CARF: variants seen among roughly 807,000 people sequenced by gnomAD.
The protein encoded by CARF is calcium responsive transcription factor.
In CARF, 57 loss-of-function variants were observed where a neutral mutation model predicts 82.0. The observed-to-expected ratio is 0.70, with a 90% confidence interval of 0.56 to 0.87. CARF has a LOEUF of 0.87. Among genes scored for constraint, CARF ranks in the 40% least tolerant of loss-of-function variants. The pLI is 0.00. For synonymous variants in CARF, 268 were observed against 290.1 expected (o/e 0.92, Z 0.77); for missense variants, 771 against 855.8 (o/e 0.90, Z 1.24).
intron 10 of CARF, among the ~76,000 whole-genome samples, chr2:202,967,986 T>G (rs1250620017): frequency 1.3e-5 from 2 of 152,176 alleles, no homozygotes; most frequent in African/African-American, 4.8e-5. Flanking sequence ...ATTTTAAGAC[T>G]TAAAATATAT....
intron 8 of CARF, among the ~76,000 whole-genome samples, chr2:202,959,815 C>CAAAAAAAAAAAA (rs11334679): frequency 7.1e-6 from 1 of 140,250 alleles, no homozygotes; most frequent in African/African-American, 2.6e-5. Flanking sequence ...ATCTCAAAAA[C>CAAAAAAAAAAAA]AAAAAAAAAA....
chr2:202,980,268 T>C (rs915170941), intron 14 of CARF, among the ~76,000 whole-genome samples: 4 of 152,170 alleles, frequency 2.6e-5, no homozygotes, highest in Non-Finnish European at 4.4e-5. Flanking sequence ...GATAATTAGT[T>C]CTTCACTGAC....
intron 2 of CARF, among the ~76,000 whole-genome samples, chr2:202,921,710 G>A (rs1690827685): frequency 6.6e-6 from 1 of 152,200 alleles, no homozygotes; most frequent in East Asian, 1.9e-4. Flanking sequence ...GGAAGAATAT[G>A]CAAAAATGTC....
chr2:202,964,397 A>G (rs1259868562), intron 9 of CARF, among the ~76,000 whole-genome samples: 3 of 152,066 alleles, frequency 2.0e-5, no homozygotes. Flanking sequence ...CTCCTGCCTC[A>G]GCTTCATGAG....
Position 202,987,430 on chromosome 2 carries a change from G to C in CARF, c.*3806G>C, listed in dbSNP as rs1308716132. Among the ~76,000 whole-genome samples, 2 of 151,536 alleles carry C rather than the reference G, an allele frequency of 1.3e-5. No individual in the cohort carries two copies. Among genetic ancestry groups the C allele is most frequent in the African/African-American group, 2.4e-5 (1 of 41,210 alleles). ...TTGAAAATCTTAATCTCTCCAGAAG[G>C]GATACTGCATTGGTTCTTCTCCATC... On this transcript the variant is annotated 3_prime_UTR_variant, in exon 17 of 17. Transcript: ENST00000438828.
chr2:202,929,469 C>G (rs543700738), intron 3 of CARF, among the ~76,000 whole-genome samples: 1 of 152,104 alleles, frequency 6.6e-6, no homozygotes, highest in Non-Finnish European at 1.5e-5. Flanking sequence ...ATTCTTGGTA[C>G]CTTTGTTGAA....
intron 12 of CARF, among the ~76,000 whole-genome samples, chr2:202,973,033 G>A (rs936024987): frequency 2.2e-4 from 34 of 152,162 alleles, no homozygotes; most frequent in African/African-American, 8.0e-4. Context: ...CAAGAAGATG[G>A]GATTGCAGAA....
At chr2:202,974,522 T>A in intron 13 of CARF, 26 bp downstream of exon 13, 1 of 1,559,054 alleles carries the variant, frequency 6.4e-7, no homozygotes, top group Non-Finnish European at 8.7e-7. Flanking sequence ...TAATTCCTTA[T>A]TACAGAGTCT....
chr2:202,960,695 T>TGCCTTCCCACCTTCCC (rs2059272966), intron 8 of CARF, among the ~76,000 whole-genome samples: 1 of 151,362 alleles, frequency 6.6e-6, no homozygotes, highest in Non-Finnish European at 1.5e-5. Flanking sequence ...CCTGCCTTCC[T>TGCCTTCCCACCTTCCC]GCCTTCCCAC....
At chr2:202,979,919 G>T (rs1015061094) in intron 14 of CARF, among the ~76,000 whole-genome samples, 5 of 152,148 alleles carry the variant, frequency 3.3e-5, no homozygotes, top group Admixed American at 2.0e-4. Context: ...AAATCAGTCA[G>T]TTGTATTATG....
At chr2:202,962,009 A>G (rs2059342901) in intron 9 of CARF, 1 of 152,706 alleles carries the variant, frequency 6.5e-6, no homozygotes, top group Admixed American at 6.5e-5. Flanking sequence ...AGAATCTAAA[A>G]CTAAGCGATT....
Position 202,955,695 on chromosome 2 carries a change from G to A in CARF, c.579G>A (p.Leu193=). ...CCAGAATGCTGGAAGAACCCCTTCT[G>A]GGGCCTCTTCAGCCACTTTCTTCTA... The part of the protein sequence containing the change: ...SVTGMLEEPL[L]GPLQPLSSNT... The change falls in exon 8 of 17, where the codon CTG becomes CTA. Residue 193 remains leucine (L), a synonymous_variant. Transcript: ENST00000438828. 1 of 1,608,098 alleles carries A rather than the reference G, an allele frequency of 6.2e-7. No homozygotes were observed. Among genetic ancestry groups the A allele is most frequent in the South Asian group, 1.1e-5 (1 of 90,146 alleles).
chr2:202,963,611 T>C (rs897153329), intron 9 of CARF, among the ~76,000 whole-genome samples: 26 of 152,166 alleles, frequency 1.7e-4, no homozygotes, highest in Non-Finnish European at 1.5e-5. Flanking sequence ...TATTACTACA[T>C]TGTAATATGT....
At chr2:202,947,478 G>T (rs542854850) in intron 5 of CARF, among the ~76,000 whole-genome samples, 2 of 152,182 alleles carry the variant, frequency 1.3e-5, no homozygotes, top group Non-Finnish European at 2.9e-5. Flanking sequence ...GCCTGTCGGG[G>T]GGGTAGGGGG....
intron 13 of CARF, among the ~76,000 whole-genome samples, chr2:202,975,302 G>A (rs2059979354): frequency 6.6e-6 from 1 of 152,220 alleles, no homozygotes; most frequent in African/African-American, 2.4e-5. Flanking sequence ...AAATTAGCCG[G>A]GCATGGTGGC....
At chr2:202,979,665 G>A (rs2060166631) in intron 14 of CARF, among the ~76,000 whole-genome samples, 1 of 151,892 alleles carries the variant, frequency 6.6e-6, no homozygotes, top group South Asian at 2.1e-4. Flanking sequence ...GCTGGGCATG[G>A]TGTCACACAC....
intron 3 of CARF, among the ~76,000 whole-genome samples, chr2:202,940,459 C>A (rs139895009): frequency 2.6e-5 from 4 of 152,174 alleles, no homozygotes; most frequent in African/African-American, 9.6e-5. Flanking sequence ...TCTTTAGGGG[C>A]TGTCTGAATC....
rs573919430 is a variant in CARF, at chr2:202,921,156, C to T, written c.-163+3113C>T. ...AGCTGGGACTACAAGTGCGTGCCAC[C>T]GTGCCCGGCTCATTTTTTGTATTTT... On this transcript the variant is annotated intron_variant, in intron 2 of 16. Transcript: ENST00000438828. 5.3e-5 allele frequency among the ~76,000 whole-genome samples: 8 copies of T among 152,234 alleles called. No homozygotes were observed. In the East Asian group the frequency reaches 1.2e-3, roughly 22 times the overall value.
At chr2:202,952,339 G>A (rs2058792488) in intron 5 of CARF, among the ~76,000 whole-genome samples, 1 of 152,138 alleles carries the variant, frequency 6.6e-6, no homozygotes, top group African/African-American at 2.4e-5. Context: ...CCTAGGATTA[G>A]GGTCAAATTG....
Sources: allele counts gnomAD v4.1 joint callset (sites outside exome capture counted in the v4.1 genomes callset), GRCh38; gene constraint gnomAD v4.1.1; transcripts MANE v1.5; gene names NCBI Gene and HGNC (gene_info 2026-07-23, HGNC 2026-07-21).